Variants in EYA2 observed in about 807,000 individuals in gnomAD.
EYA2 encodes the protein EYA transcriptional coactivator and phosphatase 2.
EYA2 carries 31 observed loss-of-function variants against 69.2 expected under a neutral mutation model. The observed-to-expected ratio is 0.45, with a 90% CI of 0.34 to 0.60. The LOEUF (loss-of-function observed/expected upper bound fraction) is 0.60, where lower values mean the gene tolerates loss of function less well. Ranked by LOEUF, EYA2 falls within the 20% of genes least tolerant of loss-of-function variation. The pLI is 0.02. For synonymous variants in EYA2, 257 were observed against 279.4 expected, an observed-to-expected ratio of 0.92 and a Z score of 0.80; for missense variants, 622 against 701.2, an observed-to-expected ratio of 0.89 and a Z score of 1.28.
rs75255226 is a variant in EYA2, at chr20:47,154,410, C to T, written c.978+11262C>T. On this transcript the variant is annotated intron_variant, in intron 10 of 15. Coordinates refer to ENST00000327619, the MANE Select transcript of EYA2 (RefSeq NM_005244.5). ...TATGAATTTTGGGAGGAGACACAAA[C>T]GTTCAGTTCATAACATCCATTTTAC... Among the ~76,000 whole-genome samples the T allele has an allele frequency of 6.3e-3, 957 of 152,076 alleles. 7 individuals are homozygous for T. The highest frequency in any genetic ancestry group is 1.0e-2 in the Non-Finnish European group (677 of 68,024).
intron 1 of EYA2, among the ~76,000 whole-genome samples, chr20:46,915,700 C>T (rs1347719058): frequency 6.6e-6 from 1 of 152,172 alleles, no homozygotes; most frequent in Non-Finnish European, 1.5e-5. Context: ...CATATAAAAA[C>T]CCAGATTTCT....
chr20:47,138,146 A>G (rs2033519284), intron 9 of EYA2, among the ~76,000 whole-genome samples: 1 of 151,622 alleles, frequency 6.6e-6, no homozygotes, highest in Admixed American at 6.6e-5. Flanking sequence ...TAATAATAAT[A>G]AACTAAAAAT....
At chr20:47,036,463 T>C (rs937317530) in intron 5 of EYA2, among the ~76,000 whole-genome samples, 1 of 152,146 alleles carries the variant, frequency 6.6e-6, no homozygotes, top group Non-Finnish European at 1.5e-5. Context: ...CACACGGGCA[T>C]TATGGTCCTG....
At chr20:46,895,306 A>T (rs1312722262) in intron 1 of EYA2, among the ~76,000 whole-genome samples, 2 of 152,120 alleles carry the variant, frequency 1.3e-5, no homozygotes, top group Non-Finnish European at 2.9e-5. Flanking sequence ...CAGGCGGTGT[A>T]GACGCGGCTG....
chr20:46,965,042 C>T (rs1979690672), intron 1 of EYA2, among the ~76,000 whole-genome samples: 1 of 152,184 alleles, frequency 6.6e-6, no homozygotes, highest in South Asian at 2.1e-4. Context: ...ATTCACGTAA[C>T]TTGTGAACAG....
chr20:47,046,776 G>A (rs1368647372), intron 5 of EYA2, among the ~76,000 whole-genome samples: 5 of 146,142 alleles, frequency 3.4e-5, no homozygotes, highest in African/African-American at 1.4e-4. Context: ...TGACTGTTAA[G>A]GTGAGTTCAA....
At chr20:47,100,549 C>T (rs1336024347) in intron 9 of EYA2, among the ~76,000 whole-genome samples, 1 of 152,206 alleles carries the variant, frequency 6.6e-6, no homozygotes, top group Non-Finnish European at 1.5e-5. Context: ...AGTTAGTCTC[C>T]ATCGTCCATA....
intron 1 of EYA2, among the ~76,000 whole-genome samples, chr20:46,908,764 C>T (rs1380407449): frequency 6.6e-6 from 1 of 151,552 alleles, no homozygotes; most frequent in Non-Finnish European, 1.5e-5. Flanking sequence ...TGAGGAACCA[C>T]CAGAAATATA....
chr20:47,164,451 T>A lies in EYA2; in HGVS notation c.979-4688T>A, dbSNP rs1047067881. ...GAGCCCGGGTGACCCCAGGAGTGGC[T>A]CCAGAGCTTGAGGAAAGGCCTGGGG... On this transcript the variant is annotated intron_variant, in intron 10 of 15. Coordinates refer to ENST00000327619, the MANE Select transcript of EYA2 (RefSeq NM_005244.5). Among the ~76,000 whole-genome samples, 7 of 152,284 alleles carry A rather than the reference T, an allele frequency of 4.6e-5. No individual in the cohort carries two copies. The South Asian group carries it at 1.5e-3, about 32-fold the overall frequency.
chr20:46,976,572 A>G (rs1980477089), intron 1 of EYA2, among the ~76,000 whole-genome samples: 1 of 152,146 alleles, frequency 6.6e-6, no homozygotes, highest in Non-Finnish European at 1.5e-5. Context: ...TTTTTAGTAG[A>G]GACGGGGTTT....
In EYA2 at chr20:47,156,127, CATATATATATATATATATATATATATAT is replaced by C. The variant is rs752111640; in HGVS notation, c.979-12981_979-12954del. On this transcript the variant is annotated intron_variant, in intron 10 of 15. Coordinates refer to ENST00000327619, the MANE Select transcript of EYA2 (RefSeq NM_005244.5). ...ACACACACACACACACACACACACA[CATATATATATATATATATATATATATAT>C]ATATATATATATATATATATATATA... Among the ~76,000 whole-genome samples, 139 of 14,652 alleles carry C rather than the reference CATATATATATATATATATATATATATAT, an allele frequency of 9.5e-3. 5 individuals are homozygous for C. Among genetic ancestry groups the C allele is most frequent in the South Asian group, 0.025 (8 of 316 alleles). 9.6% of individuals were successfully genotyped at this position (14,652 alleles called of 152,430 possible).
At chr20:46,962,808 T>C (rs1227520815) in intron 1 of EYA2, among the ~76,000 whole-genome samples, 2 of 152,230 alleles carry the variant, frequency 1.3e-5, no homozygotes, top group Non-Finnish European at 2.9e-5. Flanking sequence ...CCACTCTTAC[T>C]GCTTCAGTGC....
chr20:47,055,527 C>T (rs1300560617), intron 5 of EYA2, among the ~76,000 whole-genome samples: 1 of 152,188 alleles, frequency 6.6e-6, no homozygotes, highest in Non-Finnish European at 1.5e-5. Flanking sequence ...GACCGCCTTA[C>T]CTGGGCCCAG....
intron 5 of EYA2, among the ~76,000 whole-genome samples, chr20:47,023,638 T>TTTG (rs1555813794): frequency 2.8e-5 from 2 of 70,474 alleles, no homozygotes; most frequent in Non-Finnish European, 9.5e-5. Context: ...GGGTGTTTTT[T>TTTG]TTTTTTTTTT....
chr20:47,023,448 T>C (rs1983877826), intron 5 of EYA2, among the ~76,000 whole-genome samples: 1 of 152,198 alleles, frequency 6.6e-6, no homozygotes, highest in Non-Finnish European at 1.5e-5. Flanking sequence ...ATTTATCATT[T>C]CCATCAAATT....
intron 1 of EYA2, among the ~76,000 whole-genome samples, chr20:46,921,453 T>C (rs1306981743): frequency 6.6e-6 from 1 of 152,258 alleles, no homozygotes; most frequent in Non-Finnish European, 1.5e-5. Context: ...TTTCTTCTCC[T>C]TTCTCGTTTC....
chr20:47,159,769 C>A (rs767201516), intron 10 of EYA2, among the ~76,000 whole-genome samples: 1 of 152,018 alleles, frequency 6.6e-6, no homozygotes, highest in Non-Finnish European at 1.5e-5. Context: ...GTGGGCGGAT[C>A]ACTTGTGGTC....
chr20:46,927,370 G>A (rs992728585), intron 1 of EYA2, among the ~76,000 whole-genome samples: 5 of 152,204 alleles, frequency 3.3e-5, no homozygotes, highest in East Asian at 1.9e-4. Flanking sequence ...CAGTGGTTAC[G>A]TGTTGCAGTT....
chr20:46,979,469 AT>A (rs925525921), intron 1 of EYA2: 191 of 148,082 alleles, frequency 1.3e-3, no homozygotes, highest in African/African-American at 3.9e-3. Context: ...CAAAGAAAGA[AT>A]TTTTTTTTTT....
Sources: gnomAD v4.1 joint callset for allele counts (sites outside exome capture counted in the v4.1 genomes callset) on GRCh38, gnomAD v4.1.1 for gene constraint, MANE v1.5 for transcripts, NCBI Gene and HGNC (gene_info 2026-07-23, HGNC 2026-07-21) for gene names.